Variants in CADM2 observed in about 807,000 individuals in gnomAD.
The protein encoded by CADM2 is immunoglobulin superfamily member 4D.
A neutral mutation model predicts 49.8 loss-of-function variants in CADM2; 12 were observed. The observed-to-expected ratio is 0.24, with a 90% CI of 0.15 to 0.39. The LOEUF is 0.39. CADM2 is among the 10% of genes least tolerant of loss of function. The pLI is 1.00. For synonymous variants in CADM2, 214 were observed against 175.4 expected (o/e 1.22, Z -1.74); for missense variants, 378 against 492.3 (o/e 0.77, Z 2.20).
At chr3:85,972,486 G>T (rs772477875) in intron 8 of CADM2, among the ~76,000 whole-genome samples, 4 of 151,716 alleles carry the variant, frequency 2.6e-5, no homozygotes, top group African/African-American at 4.8e-5. Flanking sequence ...AAAGCAGAAA[G>T]AAAGTAAACA....
chr3:85,238,187 T>G (rs2042450651), intron 1 of CADM2, among the ~76,000 whole-genome samples: 1 of 151,990 alleles, frequency 6.6e-6, no homozygotes, highest in Non-Finnish European at 1.5e-5. Flanking sequence ...TTTATATTGT[T>G]TTAATTTCTA....
intron 3 of CADM2, among the ~76,000 whole-genome samples, chr3:85,813,424 G>T: frequency 6.6e-6 from 1 of 152,018 alleles, no homozygotes. Flanking sequence ...ATTTGTTTAA[G>T]TTTTTTTAGA....
chr3:85,107,514 T>C (rs1035602321), intron 1 of CADM2, among the ~76,000 whole-genome samples: 5 of 152,116 alleles, frequency 3.3e-5, no homozygotes, highest in Middle Eastern at 3.2e-3. Flanking sequence ...GCTGATAGGA[T>C]TGTAAAATGG....
chr3:86,040,400 A>G (rs991450498), intron 8 of CADM2, among the ~76,000 whole-genome samples: 4 of 152,228 alleles, frequency 2.6e-5, no homozygotes, highest in Admixed American at 6.5e-5. Context: ...GACCTAATGG[A>G]GCTGAAAACC....
chr3:85,594,587 G>A (rs1444754507), intron 1 of CADM2, among the ~76,000 whole-genome samples: 1 of 151,946 alleles, frequency 6.6e-6, no homozygotes, highest in Non-Finnish European at 1.5e-5. Context: ...AGTAAAAAGA[G>A]AGAGAGAGAA....
At chr3:85,523,361 A>G (rs2061074579) in intron 1 of CADM2, among the ~76,000 whole-genome samples, 1 of 152,198 alleles carries the variant, frequency 6.6e-6, no homozygotes, top group South Asian at 2.1e-4. Flanking sequence ...AGGGCAAGAT[A>G]AATGAATTAT....
At position 85,456,846 on chromosome 3, in the gene CADM2, TC is replaced by T. The variant is rs201434059; in HGVS notation, c.62-269675del. On this transcript the variant is annotated intron_variant, in intron 1 of 9. Transcript: ENST00000383699. ...ATGTGTTTTTTTCTTTTTTTTTTTT[TC>T]GAAATACTCCCTTGTTTTTAGATCT... Among the ~76,000 whole-genome samples, 745 of 150,302 alleles carry T rather than the reference TC, an allele frequency of 5.0e-3. 6 individuals are homozygous for T. Among genetic ancestry groups the T allele is most frequent in the African/African-American group, 0.018 (716 of 40,142 alleles).
intron 1 of CADM2, among the ~76,000 whole-genome samples, chr3:85,321,969 G>A (rs962656874): frequency 1.3e-5 from 2 of 152,268 alleles, no homozygotes; most frequent in Admixed American, 6.5e-5. Flanking sequence ...AATTGCTAAC[G>A]TCATTTTTGC....
intron 8 of CADM2, among the ~76,000 whole-genome samples, chr3:86,008,419 A>C (rs1203593527): frequency 6.6e-6 from 1 of 152,170 alleles, no homozygotes; most frequent in Non-Finnish European, 1.5e-5. Flanking sequence ...GTTTAGAATC[A>C]TTCTAAATTA....
chr3:85,441,606 A>T (rs2037204670), intron 1 of CADM2, among the ~76,000 whole-genome samples: 1 of 152,114 alleles, frequency 6.6e-6, no homozygotes, highest in African/African-American at 2.4e-5. Flanking sequence ...TATAATCTTG[A>T]TCCCAAATCC....
intron 1 of CADM2, among the ~76,000 whole-genome samples, chr3:85,478,907 T>C (rs1182679112): frequency 6.6e-6 from 1 of 151,970 alleles, no homozygotes; most frequent in African/African-American, 2.4e-5. Flanking sequence ...ACTCCTTTGA[T>C]GACTTCCATA....
chr3:86,012,317 T>C (rs1175845016), intron 8 of CADM2, among the ~76,000 whole-genome samples: 1 of 152,204 alleles, frequency 6.6e-6, no homozygotes, highest in African/African-American at 2.4e-5. Flanking sequence ...AAGATCCTGG[T>C]GTCATCTTGT....
intron 1 of CADM2, among the ~76,000 whole-genome samples, chr3:85,430,699 T>C (rs1240629183): frequency 7.6e-6 from 1 of 132,374 alleles, no homozygotes; most frequent in African/African-American, 2.9e-5. Context: ...CAAAGAGGGG[T>C]GGGGGCATGG....
chr3:85,398,396 A>G (rs1197785653), intron 1 of CADM2, among the ~76,000 whole-genome samples: 1 of 152,184 alleles, frequency 6.6e-6, no homozygotes, highest in Non-Finnish European at 1.5e-5. Context: ...TTCTTAATCC[A>G]GTCTGTCATT....
Position 85,769,337 on chromosome 3 carries a change from GTATATACA to G in CADM2, c.89-32695_89-32688del, listed in dbSNP as rs202020353. On this transcript the variant is annotated intron_variant, in intron 2 of 9. Coordinates refer to ENST00000383699, the MANE Select transcript of CADM2 (RefSeq NM_001167675.2). Reference sequence around the variant, plus strand: ...ATATACATATATAGTATATATACACGTATATACATATATACATATATAGTATATATATA... The same window carrying G: ...ATATACATATATAGTATATATACACGTATATACATATATAGTATATATATA... Among the ~76,000 whole-genome samples the G allele has an allele frequency of 4.2e-4, 33 of 78,540 alleles. 1 individual carries two copies. Among genetic ancestry groups the G allele is most frequent in the East Asian group, 4.1e-3 (10 of 2,456 alleles). The allele number at this position is 78,540 out of a possible 152,430, so 51.5% of individuals were successfully genotyped here.
At chr3:85,707,068 G>A (rs1295695688) in intron 1 of CADM2, among the ~76,000 whole-genome samples, 2 of 152,120 alleles carry the variant, frequency 1.3e-5, no homozygotes, top group African/African-American at 4.8e-5. Flanking sequence ...CCGGGCTCAA[G>A]AGATCTTTCT....
intron 1 of CADM2, among the ~76,000 whole-genome samples, chr3:85,231,943 G>C (rs2042299071): frequency 1.3e-5 from 2 of 151,436 alleles, no homozygotes; most frequent in African/African-American, 4.8e-5. Flanking sequence ...TCGAACTCCT[G>C]ACCCCAAGTG....
chr3:85,180,024 A>G (rs1025758378), intron 1 of CADM2, among the ~76,000 whole-genome samples: 1 of 152,138 alleles, frequency 6.6e-6, no homozygotes, highest in Non-Finnish European at 1.5e-5. Flanking sequence ...GGAAATATAG[A>G]CAAGTACATA....
intron 3 of CADM2, among the ~76,000 whole-genome samples, chr3:85,827,135 G>C (rs984203543): frequency 2.0e-5 from 3 of 151,756 alleles, no homozygotes; most frequent in African/African-American, 7.3e-5. Context: ...CTTAAAGAGA[G>C]GGTATTAAGA....
Sources: allele counts gnomAD v4.1 joint callset (sites outside exome capture counted in the v4.1 genomes callset), GRCh38; gene constraint gnomAD v4.1.1; transcripts MANE v1.5; gene names NCBI Gene and HGNC (gene_info 2026-07-23, HGNC 2026-07-21).